Variants in ZC3H8 observed in about 807,000 individuals in gnomAD.
The protein encoded by ZC3H8 is zinc finger CCCH domain-containing protein 8.
A neutral mutation model predicts 42.5 loss-of-function variants in ZC3H8; 27 were observed. The ratio of observed to expected loss-of-function variants is 0.64; its 90% CI spans 0.47 to 0.88. The LOEUF (loss-of-function observed/expected upper bound fraction) is 0.88. Among genes scored for constraint, ZC3H8 ranks in the 40% least tolerant of loss-of-function variants. The probability of loss-of-function intolerance (pLI) is 0.00; values close to 1 mark genes in which losing one functional copy is unlikely to be tolerated. For missense variants in ZC3H8, 277 were observed against 336.1 expected (o/e 0.82, Z 1.37); for synonymous variants, 101 against 110.1 (o/e 0.92, Z 0.52).
Position 112,215,671 on chromosome 2 carries a change from T to C in ZC3H8, c.*813A>G, listed in dbSNP as rs530577577. On this transcript the variant is annotated 3_prime_UTR_variant, in exon 9 of 9. Coordinates refer to ENST00000409573, the MANE Select transcript of ZC3H8 (RefSeq NM_032494.3). ...ATAACCAATAATCAATATTACTATA[T>C]AAAACTGCATATTTAGAATCTCATT... 13 of 152,326 alleles carry C rather than the reference T, an allele frequency of 8.5e-5. No homozygotes were observed. The highest frequency in any genetic ancestry group is 6.2e-4 in the South Asian group (3 of 4,832). The allele number at this position is 152,326 out of a possible 1,614,324, so 9.4% of individuals were successfully genotyped here. A position where few individuals can be genotyped will look rare whatever the true frequency, so the allele number is the denominator to read the frequency against.
At position 112,237,792 on chromosome 2, in the gene ZC3H8, C is replaced by T. The variant is rs924990791; in HGVS notation, c.370+523G>A. Among the ~76,000 whole-genome samples the T allele has an allele frequency of 7.9e-5, 12 of 152,128 alleles. No individual in the cohort carries two copies. In the East Asian group the frequency reaches 2.3e-3, roughly 29 times the overall value. On this transcript the variant is annotated intron_variant, in intron 3 of 8. Coordinates refer to ENST00000409573, the MANE Select transcript of ZC3H8 (RefSeq NM_032494.3). ...ATGTTGGCCAGGCTGGTCTCGAACT[C>T]CTGACCTCAAGTGATCCACCAGCCT... is the stretch of plus-strand genomic sequence containing the variant.
chr2:112,217,599 CAT>C lies in ZC3H8; in HGVS notation c.*16-1133_*16-1132del, dbSNP rs200842625. Among the ~76,000 whole-genome samples, 652 of 152,284 alleles carry C rather than the reference CAT, an allele frequency of 4.3e-3. 14 individuals carry two copies. The East Asian group carries it at 0.049, about 11-fold the overall frequency. ...TTTACTAATCTATGCAGATCTTCCA[CAT>C]GTTTCATTATATAGTAGAGTGTTTT... On this transcript the variant is annotated intron_variant, in intron 8 of 8. Coordinates refer to ENST00000409573, the MANE Select transcript of ZC3H8 (RefSeq NM_032494.3).
chr2:112,244,699 C>T (rs1364252915), intron 2 of ZC3H8, among the ~76,000 whole-genome samples: 1 of 152,140 alleles, frequency 6.6e-6, no homozygotes, highest in Non-Finnish European at 1.5e-5. Context: ...TCTGTTATAG[C>T]GATCTGTGAT....
intron 2 of ZC3H8, among the ~76,000 whole-genome samples, chr2:112,243,758 T>G: frequency 6.6e-6 from 1 of 152,180 alleles, no homozygotes; most frequent in East Asian, 1.9e-4. Context: ...ATTTATTGTC[T>G]TGTCCTTTAT....
At chr2:112,226,274 A>C (rs1185156480) in intron 8 of ZC3H8, among the ~76,000 whole-genome samples, 2 of 151,836 alleles carry the variant, frequency 1.3e-5, no homozygotes, top group African/African-American at 4.8e-5. Flanking sequence ...ACAGAAATTG[A>C]ATCTGTTATG....
At chr2:112,239,053 T>C (rs1307583324) in intron 2 of ZC3H8, among the ~76,000 whole-genome samples, 2 of 152,230 alleles carry the variant, frequency 1.3e-5, no homozygotes, top group Non-Finnish European at 2.9e-5. Context: ...ACAGAAGTGG[T>C]AGCAGCAATG....
intron 8 of ZC3H8, among the ~76,000 whole-genome samples, chr2:112,227,771 A>C (rs562776285): frequency 4.6e-5 from 7 of 152,368 alleles, no homozygotes; most frequent in African/African-American, 1.7e-4. Context: ...AAAAGTGTAC[A>C]CTGTACACTT....
At chr2:112,217,359 T>A (rs1180418621) in intron 8 of ZC3H8, among the ~76,000 whole-genome samples, 1 of 151,522 alleles carries the variant, frequency 6.6e-6, no homozygotes, top group Non-Finnish European at 1.5e-5. Context: ...GGTGACTCCA[T>A]CTCAAAAAAA....
chr2:112,224,236 G>T (rs546695932), intron 8 of ZC3H8, among the ~76,000 whole-genome samples: 2 of 152,274 alleles, frequency 1.3e-5, no homozygotes, highest in African/African-American at 2.4e-5. Context: ...CGTAAGGGTG[G>T]TTTAGTATTT....
intron 3 of ZC3H8, among the ~76,000 whole-genome samples, chr2:112,237,579 A>AT (rs34626507): frequency 9.3e-4 from 136 of 145,646 alleles, no homozygotes; most frequent in East Asian, 1.4e-3. Flanking sequence ...TAAAATTTTA[A>AT]TTTTTTTTTT....
At position 112,214,377 on chromosome 2, in the gene ZC3H8, C is replaced by G. The variant is rs1172384209; in HGVS notation, c.*2107G>C. 1 of 152,144 alleles carries G rather than the reference C, an allele frequency of 6.6e-6. No homozygotes were observed. Among genetic ancestry groups the G allele is most frequent in the Non-Finnish European group, 1.5e-5 (1 of 68,038 alleles). 9.4% of individuals were successfully genotyped at this position (152,144 alleles called of 1,614,324 possible). A position where few individuals can be genotyped will look rare whatever the true frequency, so the allele number is the denominator to read the frequency against. ...ACGGTCAAGGATAAATTCAATAGAG[C>G]CATGATAACCATGCTGGCCAAATAA... is the stretch of plus-strand genomic sequence containing the variant. On this transcript the variant is annotated 3_prime_UTR_variant, in exon 9 of 9. Transcript: ENST00000409573.
intron 2 of ZC3H8, among the ~76,000 whole-genome samples, chr2:112,239,998 A>C (rs998874317): frequency 6.6e-6 from 1 of 152,198 alleles, no homozygotes; most frequent in Non-Finnish European, 1.5e-5. Flanking sequence ...CAAGCTGAGG[A>C]AGTTTCTTGA....
At position 112,253,424 on chromosome 2, in the gene ZC3H8, CAT is replaced by C. The variant is rs1267755389; in HGVS notation, c.74+1482_74+1483del. On this transcript the variant is annotated intron_variant, in intron 1 of 8. Coordinates refer to ENST00000409573, the MANE Select transcript of ZC3H8 (RefSeq NM_032494.3). Reference sequence around the variant, plus strand: ...ATTACTCGGAAAAAAAACCAGAAACCATATGAGAAAAGACTGATTCATCTGAC... The same window carrying C: ...ATTACTCGGAAAAAAAACCAGAAACCATGAGAAAAGACTGATTCATCTGAC... Among the ~76,000 whole-genome samples, 3 of 152,216 alleles carry C rather than the reference CAT, an allele frequency of 2.0e-5. No homozygotes were observed. In the East Asian group the frequency reaches 5.8e-4, roughly 29 times the overall value.
chr2:112,254,313 A>G (rs529149846), intron 1 of ZC3H8, among the ~76,000 whole-genome samples: 18 of 152,226 alleles, frequency 1.2e-4, no homozygotes, highest in Non-Finnish European at 1.0e-4. Context: ...TCTGACCAAG[A>G]GTCTCACTTG....
chr2:112,234,360 A>C lies in ZC3H8; in HGVS notation c.505-124T>G, dbSNP rs570739888. The C allele has an allele frequency of 2.9e-5, 20 of 679,868 alleles. No homozygotes were observed. The East Asian group carries it at 6.1e-4, about 21-fold the overall frequency. 42.1% of individuals were successfully genotyped at this position (679,868 alleles called of 1,614,324 possible). A position where few individuals can be genotyped will look rare whatever the true frequency, so the allele number is the denominator to read the frequency against. ...AGGTGACTCTTCTAAATTGGCCTTC[A>C]TATGTAAAATTTGGATTTCTGTACA... On this transcript the variant is annotated intron_variant, in intron 4 of 8. Coordinates refer to ENST00000409573, the MANE Select transcript of ZC3H8 (RefSeq NM_032494.3).
intron 2 of ZC3H8, among the ~76,000 whole-genome samples, chr2:112,243,545 C>T (rs1685655486): frequency 6.6e-6 from 1 of 152,130 alleles, no homozygotes; most frequent in South Asian, 2.1e-4. Context: ...GGAACAGTAA[C>T]TTTGAACCCC....
chr2:112,217,567 A>G (rs1235784624), intron 8 of ZC3H8, among the ~76,000 whole-genome samples: 4 of 152,174 alleles, frequency 2.6e-5, no homozygotes, highest in Non-Finnish European at 4.4e-5. Flanking sequence ...TATTTAGAAA[A>G]TATCAGTTTA....
At chr2:112,251,713 G>C (rs1685956023) in intron 1 of ZC3H8, among the ~76,000 whole-genome samples, 1 of 152,200 alleles carries the variant, frequency 6.6e-6, no homozygotes, top group East Asian at 1.9e-4. Flanking sequence ...GCTAATACAT[G>C]GTGGAGCTGA....
rs1318770772 is a variant in ZC3H8, at chr2:112,250,046, A to C, written c.156+145T>G. 5 of 509,622 alleles carry C rather than the reference A, an allele frequency of 9.8e-6. No homozygotes were observed. The African/African-American group carries it at 9.9e-5, about 10-fold the overall frequency. The allele number at this position is 509,622 out of a possible 1,614,324, so 31.6% of individuals were successfully genotyped here. A position where few individuals can be genotyped will look rare whatever the true frequency, so the allele number is the denominator to read the frequency against. On this transcript the variant is annotated intron_variant, in intron 2 of 8. Transcript: ENST00000409573. ...CTTTGATATAAGTAACTGGGTCCCA[A>C]ATGCTGGTAAAATGAGACAAGTAGG...
Sources: gnomAD v4.1 joint callset for allele counts (sites outside exome capture counted in the v4.1 genomes callset) on GRCh38, gnomAD v4.1.1 for gene constraint, MANE v1.5 for transcripts, NCBI Gene and HGNC (gene_info 2026-07-23, HGNC 2026-07-21) for gene names.